STPG2: variants seen among roughly 807,000 people sequenced by gnomAD.
The protein encoded by STPG2 is sperm tail PG-rich repeat containing 2.
A neutral mutation model predicts 54.2 loss-of-function variants in STPG2; 56 were observed. That is an observed-to-expected ratio of 1.03 (90% confidence interval 0.83 to 1.29). The LOEUF (loss-of-function observed/expected upper bound fraction) is 1.29, where lower values mean the gene tolerates loss of function less well. Among genes scored for constraint, STPG2 ranks in the 50% most tolerant of loss-of-function variants. STPG2 has a pLI of 0.00. For synonymous variants in STPG2, 200 were observed against 181.8 expected, an observed-to-expected ratio of 1.10 and a Z score of -0.81; for missense variants, 596 against 544.9, an observed-to-expected ratio of 1.09 and a Z score of -0.93.
intron 3 of STPG2, among the ~76,000 whole-genome samples, chr4:98,117,799 G>C (rs1424934379): frequency 6.6e-6 from 1 of 151,836 alleles, no homozygotes; most frequent in African/African-American, 2.4e-5. Context: ...TCTCTTTATT[G>C]ATGCTCTCTA....
chr4:98,126,600 G>A (rs770577910), intron 3 of STPG2, among the ~76,000 whole-genome samples: 1 of 152,132 alleles, frequency 6.6e-6, no homozygotes, highest in Non-Finnish European at 1.5e-5. Flanking sequence ...GTCCCAATGA[G>A]AGAACCTGGA....
At chr4:97,814,353 G>C (rs1027843586) in intron 9 of STPG2, among the ~76,000 whole-genome samples, 1 of 152,056 alleles carries the variant, frequency 6.6e-6, no homozygotes, top group African/African-American at 2.4e-5. Flanking sequence ...TTTTGAGACA[G>C]AGTCTCACTC....
At chr4:97,900,196 A>T (rs1405286311) in intron 8 of STPG2, among the ~76,000 whole-genome samples, 1 of 152,184 alleles carries the variant, frequency 6.6e-6, no homozygotes, top group Non-Finnish European at 1.5e-5. Flanking sequence ...TAATAATTAT[A>T]CAAATGCAAA....
At chr4:97,449,616 T>C (rs183992890) in intron 4 of STPG2, among the ~76,000 whole-genome samples, 7 of 152,330 alleles carry the variant, frequency 4.6e-5, no homozygotes, top group Admixed American at 2.0e-4. Context: ...AGTCCTAACA[T>C]AGCTATATCA....
At chr4:98,093,687 T>C (rs1323362084) in intron 5 of STPG2, among the ~76,000 whole-genome samples, 1 of 152,214 alleles carries the variant, frequency 6.6e-6, no homozygotes, top group East Asian at 1.9e-4. Flanking sequence ...ATGTCACTCC[T>C]TCCCCATCCC....
intron 10 of STPG2, among the ~76,000 whole-genome samples, chr4:97,685,032 A>G (rs565211590): frequency 1.8e-4 from 27 of 152,170 alleles, no homozygotes; most frequent in African/African-American, 6.3e-4. Flanking sequence ...ATACAACTAC[A>G]TACCTATCAG....
At chr4:97,547,750 T>C (rs1731869640) in intron 4 of STPG2, among the ~76,000 whole-genome samples, 1 of 151,604 alleles carries the variant, frequency 6.6e-6, no homozygotes, top group Non-Finnish European at 1.5e-5. Flanking sequence ...AATAGGAGAG[T>C]TGGTAGTGAG....
rs1263700569 is a variant in STPG2 at position 97,464,162 on chromosome 4, T to C, written c.462+248537A>G. 2.0e-5 allele frequency among the ~76,000 whole-genome samples: 3 copies of C among 152,312 alleles called. No individual in the cohort carries two copies. The East Asian group carries it at 5.8e-4, about 29-fold the overall frequency. On this transcript the variant is annotated intron_variant, in intron 4 of 4. Coordinates refer to the STPG2 transcript ENST00000522676. ...CAATCATTGGATTGTACAGTAAAGCTACATTTAGCTCTGTAAAAAATTTTA... is the reference window on the plus strand; with the variant it reads ...CAATCATTGGATTGTACAGTAAAGCCACATTTAGCTCTGTAAAAAATTTTA...
chr4:97,455,582 A>T (rs1729495208), intron 4 of STPG2, among the ~76,000 whole-genome samples: 1 of 152,114 alleles, frequency 6.6e-6, no homozygotes, highest in Non-Finnish European at 1.5e-5. Flanking sequence ...TTCCCACTAC[A>T]TCCCCTTCTG....
At chr4:97,603,904 T>C (rs557957013) in intron 10 of STPG2, among the ~76,000 whole-genome samples, 57 of 151,722 alleles carry the variant, frequency 3.8e-4, no homozygotes, top group African/African-American at 1.2e-3. Flanking sequence ...TTCTGGAGAT[T>C]GGTTGCACAA....
rs547093877 is a variant in STPG2, at chr4:97,697,531, C to T, written c.1320+15168G>A. On this transcript the variant is annotated intron_variant, in intron 10 of 10. Coordinates refer to ENST00000295268, the MANE Select transcript of STPG2 (RefSeq NM_174952.3). Reference sequence around the variant, plus strand: ...TTTGTCTTTGTATAGTCTGCAGATGCGAATCCTGATTCCTGCGAGAAGTAG... The same window carrying T: ...TTTGTCTTTGTATAGTCTGCAGATGTGAATCCTGATTCCTGCGAGAAGTAG... 3.9e-5 allele frequency among the ~76,000 whole-genome samples: 6 copies of T among 152,096 alleles called. No individual in the cohort carries two copies. The South Asian group carries it at 6.2e-4, about 16-fold the overall frequency.
chr4:97,607,393 T>C (rs1733623629), intron 10 of STPG2, among the ~76,000 whole-genome samples: 1 of 152,060 alleles, frequency 6.6e-6, no homozygotes, highest in South Asian at 2.1e-4. Context: ...TACAAGAACA[T>C]TGTTGAAGAA....
In STPG2 at chr4:97,943,995, A is replaced by G; in HGVS notation, c.946T>C (p.Ser316Pro). ...TCATCAGAAATTCCCACACCCTGTG[A>G]ATGCCAAAATTCCTGTTGAAAGAAG... Reference protein sequence around the residue: ...GPADYQEFWHSQGVGISDELP... With the variant: ...GPADYQEFWHPQGVGISDELP... The change falls in exon 8 of 11, where the codon TCA (serine) becomes CCA (proline). Residue 316 changes from serine to proline, a missense_variant. Physicochemically the swap from Ser to Pro is moderately conservative, Grantham distance 74 (BLOSUM62 -1). Coordinates refer to ENST00000295268, the MANE Select transcript of STPG2 (RefSeq NM_174952.3). 1 of 1,609,334 alleles carries G rather than the reference A, an allele frequency of 6.2e-7. No individual in the cohort carries two copies. The highest frequency in any genetic ancestry group is 1.1e-5 in the South Asian group (1 of 90,630).
intron 8 of STPG2, among the ~76,000 whole-genome samples, chr4:97,892,880 C>T (rs1252503341): frequency 2.0e-5 from 3 of 152,158 alleles, no homozygotes; most frequent in Non-Finnish European, 4.4e-5. Flanking sequence ...CAATAAACTT[C>T]TTTGCCTACT....
rs56101615 is a variant in STPG2 at position 97,665,727 on chromosome 4, G to A, written c.1320+46972C>T. On this transcript the variant is annotated intron_variant, in intron 10 of 10. Transcript: ENST00000295268. The stretch of plus-strand genomic sequence containing the variant: ...TTCATGGTGCCCAGGCTGTTCATGC[G>A]GAGGGGTACCTGCAGACCAGCACCA... Among the ~76,000 whole-genome samples the A allele has an allele frequency of 4.5e-3, 692 of 152,206 alleles. 10 individuals carry two copies. Among genetic ancestry groups the A allele is most frequent in the Non-Finnish European group, 2.6e-3 (174 of 68,020 alleles).
intron 9 of STPG2, among the ~76,000 whole-genome samples, chr4:97,807,372 C>A (rs1727601359): frequency 6.6e-6 from 1 of 151,900 alleles, no homozygotes; most frequent in Admixed American, 6.6e-5. Context: ...CCTTTACATA[C>A]CACAACTCTA....
intron 7 of STPG2, among the ~76,000 whole-genome samples, chr4:97,963,479 C>T (rs930880712): frequency 1.3e-5 from 2 of 151,948 alleles, no homozygotes; most frequent in African/African-American, 4.8e-5. Flanking sequence ...AAAGTGAGAC[C>T]TTGTCTCTAT....
chr4:97,514,352 G>A (rs71606989), intron 4 of STPG2, among the ~76,000 whole-genome samples: 34 of 152,044 alleles, frequency 2.2e-4, no homozygotes, highest in Non-Finnish European at 3.8e-4. Flanking sequence ...TTGATAAAGT[G>A]TGAGAACCTG....
At chr4:97,969,220 T>C (rs965249646) in intron 7 of STPG2, among the ~76,000 whole-genome samples, 6 of 152,226 alleles carry the variant, frequency 3.9e-5, no homozygotes, top group Non-Finnish European at 8.8e-5. Flanking sequence ...CTGATTAATA[T>C]CGTGCTAATC....
Sources: gnomAD v4.1 joint callset for allele counts (sites outside exome capture counted in the v4.1 genomes callset) on GRCh38, gnomAD v4.1.1 for gene constraint, MANE v1.5 for transcripts, NCBI Gene and HGNC (gene_info 2026-07-23, HGNC 2026-07-21) for gene names.